TMEM117: variants seen among roughly 807,000 people sequenced by gnomAD.
TMEM117 encodes transmembrane protein 117.
Under a neutral mutation model 52.4 loss-of-function variants are expected in TMEM117, and 27 were observed. The observed-to-expected ratio is 0.51, with a 90% CI of 0.38 to 0.71. The LOEUF (loss-of-function observed/expected upper bound fraction) is 0.71, where lower values mean the gene tolerates loss of function less well. Ranked by LOEUF, TMEM117 falls within the 30% of genes least tolerant of loss-of-function variation. The pLI, the probability that TMEM117 is intolerant of heterozygous loss-of-function variation, is 0.00. For synonymous variants in TMEM117, 215 were observed against 206.3 expected (o/e 1.04, Z -0.36); for missense variants, 556 against 630.5 (o/e 0.88, Z 1.26).
chr12:44,046,827 G>A (rs1005901368), intron 3 of TMEM117, among the ~76,000 whole-genome samples: 4 of 152,062 alleles, frequency 2.6e-5, no homozygotes, highest in South Asian at 2.1e-4. Context: ...CTTCATATTA[G>A]CATTTAAGTA....
At chr12:44,016,878 A>C (rs1157304639) in intron 3 of TMEM117, among the ~76,000 whole-genome samples, 1 of 152,188 alleles carries the variant, frequency 6.6e-6, no homozygotes, top group Admixed American at 6.5e-5. Context: ...TGGGACTCAG[A>C]AAAGTGCATT....
intron 6 of TMEM117, among the ~76,000 whole-genome samples, chr12:44,312,906 T>C (rs1472741726): frequency 6.6e-6 from 1 of 152,166 alleles, no homozygotes; most frequent in Admixed American, 6.5e-5. Flanking sequence ...TGTATGTCTT[T>C]TGTTTTTGAG....
intron 3 of TMEM117, among the ~76,000 whole-genome samples, chr12:43,969,391 C>T (rs1019846064): frequency 5.6e-5 from 7 of 125,448 alleles, no homozygotes; most frequent in Admixed American, 1.6e-4. Context: ...GGCATGGGGG[C>T]GGGTGCCTGT....
intron 2 of TMEM117, among the ~76,000 whole-genome samples, chr12:43,926,514 T>C (rs141288585): frequency 6.0e-4 from 91 of 152,306 alleles, no homozygotes; most frequent in African/African-American, 2.2e-3. Flanking sequence ...ATCTACCCTT[T>C]TAAATTTGAT....
rs61350418 is a variant in TMEM117, at chr12:44,042,761, TACACACACACACACACACAC to T, written c.410+98448_410+98467del. On this transcript the variant is annotated intron_variant, in intron 3 of 7. Coordinates refer to ENST00000266534, the MANE Select transcript of TMEM117 (RefSeq NM_032256.3). ...TTGTGTAAGTTAATCCTTAATAAAC[TACACACACACACACACACAC>T]ACACACACACACACACACACACACA... Among the ~76,000 whole-genome samples the T allele has an allele frequency of 1.8e-4, 24 of 132,152 alleles. No homozygotes were observed. The East Asian group carries it at 3.2e-3, about 18-fold the overall frequency. The allele number at this position is 132,152 out of a possible 152,430, so 86.7% of individuals were successfully genotyped here.
intron 5 of TMEM117, among the ~76,000 whole-genome samples, chr12:44,272,110 G>A (rs781258342): frequency 1.3e-5 from 2 of 151,978 alleles, no homozygotes; most frequent in Non-Finnish European, 2.9e-5. Context: ...AGAAAAAAGT[G>A]GAACCTTATT....
intron 3 of TMEM117, among the ~76,000 whole-genome samples, chr12:44,130,933 G>A (rs1948404253): frequency 6.6e-6 from 1 of 151,940 alleles, no homozygotes; most frequent in African/African-American, 2.4e-5. Context: ...TATCAGTCTT[G>A]CCAGGGACTG....
intron 3 of TMEM117, among the ~76,000 whole-genome samples, chr12:43,970,487 G>A (rs1020230602): frequency 3.9e-5 from 6 of 151,926 alleles, no homozygotes; most frequent in East Asian, 3.9e-4. Context: ...ACAGGGTTTC[G>A]CCATGTTAAC....
At chr12:44,060,390 C>T (rs144042716) in intron 3 of TMEM117, among the ~76,000 whole-genome samples, 2 of 152,230 alleles carry the variant, frequency 1.3e-5, no homozygotes, top group East Asian at 3.9e-4. Context: ...ATTTAAGTTA[C>T]AGTTGCGGGA....
At chr12:44,204,336 A>C (rs1949536353) in intron 4 of TMEM117, among the ~76,000 whole-genome samples, 1 of 152,222 alleles carries the variant, frequency 6.6e-6, no homozygotes, top group South Asian at 2.1e-4. Flanking sequence ...AAAGAAAAAA[A>C]TACATAGGAA....
At chr12:44,241,215 G>GT (rs199570956) in intron 5 of TMEM117, among the ~76,000 whole-genome samples, 176 of 146,554 alleles carry the variant, frequency 1.2e-3, no homozygotes, top group South Asian at 3.0e-3. Context: ...TTTTTATTGT[G>GT]TTTTTTTTTT....
chr12:44,286,227 TAAGG>T (rs1336232961), intron 5 of TMEM117, among the ~76,000 whole-genome samples: 8 of 151,644 alleles, frequency 5.3e-5, no homozygotes, highest in Non-Finnish European at 1.2e-4. Flanking sequence ...AGCATGAACA[TAAGG>T]AATATGATAT....
At chr12:43,905,273 A>T (rs1944367243) in intron 2 of TMEM117, among the ~76,000 whole-genome samples, 1 of 152,210 alleles carries the variant, frequency 6.6e-6, no homozygotes, top group Admixed American at 6.5e-5. Context: ...AAGGCATCAG[A>T]TGAGTTTCTT....
chr12:43,819,277 C>T, the TMEM117 span, among the ~76,000 whole-genome samples: 5 of 152,116 alleles, frequency 3.3e-5, no homozygotes, highest in East Asian at 1.9e-4. Context: ...AGGCCTCCAC[C>T]GGTCTTCAAG....
At chr12:44,114,541 G>T (rs907444619) in intron 3 of TMEM117, among the ~76,000 whole-genome samples, 1 of 152,108 alleles carries the variant, frequency 6.6e-6, no homozygotes, top group African/African-American at 2.4e-5. Flanking sequence ...CCTTCCATCT[G>T]CTTGGCCAAA....
At chr12:44,346,588 G>A (rs1160773832) in intron 6 of TMEM117, among the ~76,000 whole-genome samples, 2 of 152,048 alleles carry the variant, frequency 1.3e-5, no homozygotes, top group African/African-American at 4.8e-5. Flanking sequence ...CACATACTGT[G>A]CGATCCCATG....
intron 5 of TMEM117, among the ~76,000 whole-genome samples, chr12:44,292,867 T>G (rs1047657157): frequency 1.3e-5 from 2 of 152,072 alleles, no homozygotes; most frequent in African/African-American, 4.8e-5. Context: ...TCCTGAAGAA[T>G]GTTCCATGTA....
chr12:44,107,924 T>C (rs568741844), intron 3 of TMEM117, among the ~76,000 whole-genome samples: 1 of 152,296 alleles, frequency 6.6e-6, no homozygotes, highest in South Asian at 2.1e-4. Context: ...ACCAATTGAA[T>C]AACACAGCAA....
At chr12:44,082,607 T>C (rs1050717740) in intron 3 of TMEM117, among the ~76,000 whole-genome samples, 3 of 151,974 alleles carry the variant, frequency 2.0e-5, no homozygotes, top group Non-Finnish European at 2.9e-5. Context: ...GGGAGAAAAA[T>C]TGGAAATAAT....
Sources: allele counts gnomAD v4.1 joint callset (sites outside exome capture counted in the v4.1 genomes callset), GRCh38; gene constraint gnomAD v4.1.1; transcripts MANE v1.5; gene names NCBI Gene and HGNC (gene_info 2026-07-23, HGNC 2026-07-21).